Variants in CAPN13 observed in about 807,000 individuals in gnomAD.
CAPN13 encodes calpain 13.
In CAPN13, 90 loss-of-function variants were observed where a neutral mutation model predicts 98.4. The ratio of observed to expected loss-of-function variants is 0.92; its 90% CI spans 0.77 to 1.09. The LOEUF is 1.09. Among genes scored for constraint, CAPN13 ranks in the 50% least tolerant of loss-of-function variants. The pLI is 0.00. For synonymous variants in CAPN13, 330 were observed against 305.5 expected (o/e 1.08, Z -0.84); for missense variants, 887 against 841.3 (o/e 1.05, Z -0.67).
chr2:30,773,320 G>A (rs1673509460), intron 4 of CAPN13, among the ~76,000 whole-genome samples: 1 of 151,890 alleles, frequency 6.6e-6, no homozygotes, highest in Non-Finnish European at 1.5e-5. Flanking sequence ...TTAAGTGAGA[G>A]CAAAGGAAAA....
intron 20 of CAPN13, 86 bp from the exon 21 acceptor site, chr2:30,731,485 G>T: frequency 3.5e-6 from 4 of 1,145,540 alleles, no homozygotes; most frequent in Non-Finnish European, 5.0e-6. Context: ...CCCATAAGAA[G>T]CACAGGAGGT....
At chr2:30,741,250 T>C (rs952009512) in intron 15 of CAPN13, 1 of 418,666 alleles carries the variant, frequency 2.4e-6, no homozygotes, top group African/African-American at 2.2e-5. Context: ...TACTACCCCA[T>C]TAACCCTCTG....
intron 19 of CAPN13, among the ~76,000 whole-genome samples, chr2:30,732,908 C>T (rs1230414439): frequency 6.6e-6 from 1 of 152,172 alleles, no homozygotes. Context: ...TTGCTGATGA[C>T]CTTCACAACC....
chr2:30,759,382 A>C (rs1419548506), intron 7 of CAPN13, among the ~76,000 whole-genome samples: 1 of 152,218 alleles, frequency 6.6e-6, no homozygotes, highest in African/African-American at 2.4e-5. Flanking sequence ...ACAACACAGC[A>C]GCCAACCCTT....
chr2:30,795,076 T>C (rs1433773008), intron 1 of CAPN13, among the ~76,000 whole-genome samples: 1 of 152,044 alleles, frequency 6.6e-6, no homozygotes, highest in Non-Finnish European at 1.5e-5. Context: ...TATAGTCTTC[T>C]GTAATTTGCT....
intron 1 of CAPN13, among the ~76,000 whole-genome samples, chr2:30,798,934 TG>T (rs1200128874): frequency 6.6e-6 from 1 of 152,204 alleles, no homozygotes; most frequent in Non-Finnish European, 1.5e-5. Flanking sequence ...TGTGTATGTG[TG>T]TGTTTAATTA....
chr2:30,748,433 G>T (rs566776506), intron 11 of CAPN13, among the ~76,000 whole-genome samples: 39 of 152,224 alleles, frequency 2.6e-4, no homozygotes, highest in Non-Finnish European at 5.1e-4. Context: ...AGAAAATGCA[G>T]TGCAGAGGTG....
chr2:30,788,095 G>GA (rs147933328), intron 1 of CAPN13, among the ~76,000 whole-genome samples: 24 of 151,718 alleles, frequency 1.6e-4, no homozygotes, highest in Admixed American at 4.6e-4. Context: ...GGATAGGGAG[G>GA]AAAAAAAGAA....
chr2:30,764,570 G>A (rs1673017824), intron 5 of CAPN13, among the ~76,000 whole-genome samples: 1 of 152,178 alleles, frequency 6.6e-6, no homozygotes, highest in South Asian at 2.1e-4. Context: ...CGAGAGGCTG[G>A]GAGTGCCTGT....
intron 11 of CAPN13, among the ~76,000 whole-genome samples, chr2:30,748,799 G>T (rs911646640): frequency 6.6e-6 from 1 of 152,212 alleles, no homozygotes; most frequent in East Asian, 1.9e-4. Context: ...TATCATCAGC[G>T]GGTTTGAGGC....
At chr2:30,735,214 A>G (rs1383391203) in intron 18 of CAPN13, among the ~76,000 whole-genome samples, 1 of 152,130 alleles carries the variant, frequency 6.6e-6, no homozygotes, top group African/African-American at 2.4e-5. Flanking sequence ...CCTGGTCAAC[A>G]TCGTACTTCA....
At chr2:30,768,706 C>CTTCCTTCCTTCCTTCCTTCA (rs1553315490) in intron 5 of CAPN13, among the ~76,000 whole-genome samples, 1 of 151,038 alleles carries the variant, frequency 6.6e-6, no homozygotes, top group African/African-American at 2.4e-5. Context: ...TCCTTCCTTC[C>CTTCCTTCCTTCCTTCCTTCA]TTTTATCCAC....
At chr2:30,727,869 G>A (rs893361642) in intron 22 of CAPN13, among the ~76,000 whole-genome samples, 3 of 151,784 alleles carry the variant, frequency 2.0e-5, no homozygotes, top group African/African-American at 7.3e-5. Context: ...ATTCATAGCA[G>A]GATTATTAAT....
intron 2 of CAPN13, among the ~76,000 whole-genome samples, chr2:30,779,555 G>C (rs546754010): frequency 2.8e-4 from 43 of 152,240 alleles, no homozygotes; most frequent in African/African-American, 1.0e-3. Context: ...CGCAGTGTCT[G>C]ACATAGTACA....
At chr2:30,735,839 G>A (rs1671335426) in intron 18 of CAPN13, among the ~76,000 whole-genome samples, 1 of 152,114 alleles carries the variant, frequency 6.6e-6, no homozygotes. Flanking sequence ...GGCATGTGTG[G>A]GTATACATAT....
At chr2:30,736,667 C>T (rs1671383512) in intron 17 of CAPN13, 96 bp from the exon 18 acceptor site, 1 of 1,095,706 alleles carries the variant, frequency 9.1e-7, no homozygotes, top group East Asian at 2.4e-5. Context: ...TCATCACTAG[C>T]AACACAGCTG....
At chr2:30,783,515 G>T (rs545970867) in intron 2 of CAPN13, among the ~76,000 whole-genome samples, 1 of 152,180 alleles carries the variant, frequency 6.6e-6, no homozygotes, top group African/African-American at 2.4e-5. Flanking sequence ...AAGGATAAGA[G>T]CCAGAGGAAG....
chr2:30,726,713 A>G (rs1396839325), intron 22 of CAPN13, among the ~76,000 whole-genome samples: 1 of 152,138 alleles, frequency 6.6e-6, no homozygotes, highest in East Asian at 1.9e-4. Flanking sequence ...GTTCAAAAAA[A>G]TTAAAGAAGA....
chr2:30,787,050 C>G (rs1674320987), intron 2 of CAPN13, 78 bp downstream of exon 2: 1 of 1,193,838 alleles, frequency 8.4e-7, no homozygotes, highest in South Asian at 1.6e-5. Flanking sequence ...TTGGCTCCAC[C>G]TCCTTTTGGC....
Sources: allele counts gnomAD v4.1 joint callset (sites outside exome capture counted in the v4.1 genomes callset), GRCh38; gene constraint gnomAD v4.1.1; transcripts MANE v1.5; gene names NCBI Gene and HGNC (gene_info 2026-07-23, HGNC 2026-07-21).